Variants in SYNE1 observed in about 807,000 individuals in gnomAD.
SYNE1 encodes the protein spectrin repeat containing nuclear envelope protein 1.
SYNE1 carries 616 observed loss-of-function variants against 1,111.0 expected under a neutral mutation model. That is an observed-to-expected ratio of 0.55 (90% CI 0.52 to 0.59). SYNE1 has a LOEUF of 0.59. Ranked by LOEUF, SYNE1 falls within the 20% of genes least tolerant of loss-of-function variation. SYNE1 has a pLI of 0.00. For synonymous variants in SYNE1, 3,855 were observed against 3,825.8 expected (o/e 1.01, Z -0.28); for missense variants, 10,006 against 10,417.0 (o/e 0.96, Z 1.72).
intron 3 of SYNE1, among the ~76,000 whole-genome samples, chr6:152,608,136 T>C (rs1226192280): frequency 1.3e-5 from 2 of 149,796 alleles, no homozygotes; most frequent in Admixed American, 1.4e-4. Context: ...ATTCGGCACA[T>C]GTATACTGGA....
rs141978906 is a variant in SYNE1, at chr6:152,292,243, T to C, written c.18012+1345A>G. Among the ~76,000 whole-genome samples the C allele has an allele frequency of 3.9e-5, 6 of 152,234 alleles. 1 individual carries two copies. The East Asian group carries it at 1.2e-3, about 29-fold the overall frequency. On this transcript the variant is annotated intron_variant, in intron 95 of 145. Coordinates refer to ENST00000367255, the MANE Select transcript of SYNE1 (RefSeq NM_182961.4). ...AAAATGGGGGAAGCTCAGAAGTAAA[T>C]GGCATTGGAATAGTCCCCCAAGCCC... is the stretch of plus-strand genomic sequence containing the variant.
At position 152,265,587 on chromosome 6, in the gene SYNE1, A is replaced by C. The variant is rs544170121; in HGVS notation, c.18815+2469T>G. ...TTAATTCATTTGTATTTACATAAAAATTTGTAATAAAACCAGAGGAATATT... is the reference window on the plus strand; with the variant it reads ...TTAATTCATTTGTATTTACATAAAACTTTGTAATAAAACCAGAGGAATATT... On this transcript the variant is annotated intron_variant, in intron 100 of 145. Coordinates refer to ENST00000367255, the MANE Select transcript of SYNE1 (RefSeq NM_182961.4). Among the ~76,000 whole-genome samples the C allele has an allele frequency of 3.9e-5, 6 of 152,328 alleles. No homozygotes were observed. The East Asian group carries it at 9.6e-4, about 24-fold the overall frequency.
At chr6:152,579,800 C>T (rs1054591522) in intron 3 of SYNE1, among the ~76,000 whole-genome samples, 3 of 152,110 alleles carry the variant, frequency 2.0e-5, no homozygotes, top group Non-Finnish European at 2.9e-5. Flanking sequence ...TGTGTTAATT[C>T]GCTTAGGGTA....
rs2154115463 is a variant in SYNE1, at chr6:152,381,177, G to A, written c.8838C>T (p.Asn2946=). The A allele has an allele frequency of 1.9e-6, 3 of 1,614,176 alleles. No homozygotes were observed. The highest frequency in any genetic ancestry group is 1.6e-4 in the Middle Eastern group (1 of 6,062). The change falls in exon 56 of 146, where the codon AAC becomes AAT. Residue 2946 remains asparagine, a synonymous_variant. Transcript: ENST00000367255. ...SVFQTQSCLE[N]LVSQMALSEQ... is the part of the protein sequence containing the mutation. ...CCGAAAGGGCCATCTGGCTGACCAG[G>A]TTCTCCAAACAGCTCTGCGTTTGGA... is the stretch of plus-strand genomic sequence containing the variant.
At chr6:152,306,389 G>A (rs572711523) in intron 91 of SYNE1, among the ~76,000 whole-genome samples, 1 of 152,076 alleles carries the variant, frequency 6.6e-6, no homozygotes, top group South Asian at 2.1e-4. Context: ...GGGAGCCTGA[G>A]GCAGGAGAAT....
chr6:152,397,670 A>G (rs897511262), intron 49 of SYNE1, among the ~76,000 whole-genome samples: 2 of 152,124 alleles, frequency 1.3e-5, no homozygotes, highest in African/African-American at 4.8e-5. Context: ...ATCCCCCATT[A>G]GGCCACAAAA....
chr6:152,434,937 C>T (rs2098459894), intron 33 of SYNE1: 1 of 152,070 alleles, frequency 6.6e-6, no homozygotes, highest in Non-Finnish European at 1.5e-5. Context: ...TGTTATATTG[C>T]AACTTTTTAA....
chr6:152,218,326 T>G lies in SYNE1; in HGVS notation c.22122A>C (p.Ile7374=). The change falls in exon 121 of 146, where the codon ATA becomes ATC. Residue 7374 remains isoleucine (I), a synonymous_variant. Coordinates refer to ENST00000367255, the MANE Select transcript of SYNE1 (RefSeq NM_182961.4). ...AGTGGCTAGGGTCCTGCCCTTGTAG[T>G]ATTTCTTCAGCTTCCACTATCCAGG... ...LEAWIVEAEE[I]LQGQDPSHSS... 1.2e-6 allele frequency: 2 copies of G among 1,614,132 alleles called. No individual in the cohort carries two copies. Among genetic ancestry groups the G allele is most frequent in the Non-Finnish European group, 8.5e-7 (1 of 1,179,990 alleles).
At chr6:152,458,325 T>C (rs2098710231) in intron 22 of SYNE1, among the ~76,000 whole-genome samples, 1 of 152,176 alleles carries the variant, frequency 6.6e-6, no homozygotes, top group African/African-American at 2.4e-5. Flanking sequence ...CATTGTGAAC[T>C]TTGCACTTTC....
chr6:152,352,292 T>C lies in SYNE1; in HGVS notation c.11315A>G (p.Glu3772Gly). 1 of 1,614,120 alleles carries C rather than the reference T, an allele frequency of 6.2e-7. No individual in the cohort carries two copies. Among genetic ancestry groups the C allele is most frequent in the Non-Finnish European group, 8.5e-7 (1 of 1,180,008 alleles). Residue 3772 changes from glutamate (E) to glycine (G), a missense_variant, in exon 70 of 146, where the codon GAG (glutamate) becomes GGG (glycine). Coordinates refer to ENST00000367255, the MANE Select transcript of SYNE1 (RefSeq NM_182961.4). ...SLLKSAREKG[E>G]RAVKYLEEGE... Reference sequence around the variant, plus strand: ...TTCCTCCAAGTATTTAACAGCCCTCTCTCCTTTCTCCCGGGCTGATTTCAG... The same window carrying C: ...TTCCTCCAAGTATTTAACAGCCCTCCCTCCTTTCTCCCGGGCTGATTTCAG...
At chr6:152,395,362 G>A (rs2097715949) in intron 51 of SYNE1, among the ~76,000 whole-genome samples, 154 bp downstream of exon 51, 1 of 152,156 alleles carries the variant, frequency 6.6e-6, no homozygotes, top group African/African-American at 2.4e-5. Context: ...TGCAAAGAGT[G>A]CAGCATAGTC....
intron 30 of SYNE1, among the ~76,000 whole-genome samples, chr6:152,442,774 G>A (rs1029988003): frequency 2.0e-5 from 3 of 152,116 alleles, no homozygotes; most frequent in African/African-American, 7.2e-5. Context: ...GCAAGACCCT[G>A]TTTCTACAAA....
At chr6:152,165,718 C>A (rs1040557390) in intron 130 of SYNE1, among the ~76,000 whole-genome samples, 1 of 152,196 alleles carries the variant, frequency 6.6e-6, no homozygotes, top group Non-Finnish European at 1.5e-5. Flanking sequence ...GTCCCCCAGA[C>A]ACTTCAAGGC....
At chr6:152,347,839 C>A (rs1195230570) in intron 72 of SYNE1, among the ~76,000 whole-genome samples, 1 of 148,948 alleles carries the variant, frequency 6.7e-6, no homozygotes, top group Non-Finnish European at 1.5e-5. Context: ...CACCACCACA[C>A]CTGGCTAATT....
chr6:152,132,061 T>A, intron 144 of SYNE1, 61 bp downstream of exon 144: 4 of 1,499,764 alleles, frequency 2.7e-6, no homozygotes, highest in Non-Finnish European at 3.7e-6. Context: ...TGGGTGCAAA[T>A]ACTGTCACTT....
rs182015300 is a variant in SYNE1, at chr6:152,635,766, T to A, written c.-224+872A>T. ...TTCACAGGAACATTTCAGATACAAG[T>A]TTTCCACCCCAAAACGAAAAGCTCA... On this transcript the variant is annotated intron_variant, in intron 2 of 145. Coordinates refer to ENST00000367255, the MANE Select transcript of SYNE1 (RefSeq NM_182961.4). 4.7e-4 allele frequency among the ~76,000 whole-genome samples: 71 copies of A among 152,312 alleles called. No individual in the cohort carries two copies. In the Middle Eastern group the frequency reaches 0.01, roughly 22 times the overall value.
chr6:152,290,564 G>T (rs1162217272), intron 95 of SYNE1, among the ~76,000 whole-genome samples: 2 of 151,826 alleles, frequency 1.3e-5, no homozygotes, highest in Middle Eastern at 3.2e-3. Flanking sequence ...TCAAAAAAAA[G>T]AAATCTATAA....
intron 25 of SYNE1, among the ~76,000 whole-genome samples, chr6:152,452,916 C>G (rs1358932431): frequency 6.6e-6 from 1 of 152,226 alleles, no homozygotes; most frequent in Non-Finnish European, 1.5e-5. Flanking sequence ...CTGCTTACTC[C>G]CATTTCTGCT....
rs1002848883 is a variant in SYNE1 at position 152,472,293 on chromosome 6, T to C, written c.1463+8A>G. The C allele has an allele frequency of 6.2e-7, 1 of 1,604,786 alleles. No individual in the cohort carries two copies. The highest frequency in any genetic ancestry group is 8.5e-7 in the Non-Finnish European group (1 of 1,171,630). On this transcript the variant is annotated splice_region_variant and intron_variant, in intron 15 of 145. Transcript: ENST00000367255. ...AGAGACTTCCTTTAAATGCAGATAT[T>C]CTCTTACCTCTCGGCCATGTCCTCT...
Sources: allele counts gnomAD v4.1 joint callset (sites outside exome capture counted in the v4.1 genomes callset), GRCh38; gene constraint gnomAD v4.1.1; transcripts MANE v1.5; gene names NCBI Gene and HGNC (gene_info 2026-07-23, HGNC 2026-07-21).